PLCE1: variants seen among roughly 807,000 people sequenced by gnomAD.
The protein encoded by PLCE1 is 1-phosphatidylinositol 4,5-bisphosphate phosphodiesterase epsilon-1.
Under a neutral mutation model 242.8 loss-of-function variants are expected in PLCE1, and 119 were observed. The ratio of observed to expected loss-of-function variants is 0.49; its 90% CI spans 0.42 to 0.57. PLCE1 has a LOEUF of 0.57. PLCE1 is among the 20% of genes least tolerant of loss of function. PLCE1 has a pLI of 0.00. For missense variants in PLCE1, 2,441 were observed against 2,788.8 expected (o/e 0.88, Z 2.81); for synonymous variants, 945 against 1,017.4 (o/e 0.93, Z 1.35).
intron 3 of PLCE1, among the ~76,000 whole-genome samples, chr10:94,132,949 C>CAAAAAAA (rs33967020): frequency 1.1e-5 from 1 of 88,846 alleles, no homozygotes; most frequent in East Asian, 3.2e-4. Flanking sequence ...GACTCCATCT[C>CAAAAAAA]AAAAAAAAAA....
At chr10:94,007,148 G>A (rs1418235356) in intron 1 of PLCE1, among the ~76,000 whole-genome samples, 1 of 152,072 alleles carries the variant, frequency 6.6e-6, no homozygotes, top group African/African-American at 2.4e-5. Flanking sequence ...GAGGAAGTTA[G>A]GCAGAAGAGC....
At chr10:94,235,557 A>T (rs10882411) in intron 6 of PLCE1, among the ~76,000 whole-genome samples, 42,528 of 152,106 alleles carry the variant, frequency 0.28, 6,250 homozygotes, top group East Asian at 0.56. Flanking sequence ...ATAGAATAGC[A>T]TACTTTACTC....
intron 1 of PLCE1, among the ~76,000 whole-genome samples, chr10:94,002,003 T>C (rs757808053): frequency 1.3e-5 from 2 of 152,206 alleles, no homozygotes; most frequent in Non-Finnish European, 2.9e-5. Context: ...CCTAATTTGC[T>C]TCTAACTCGG....
intron 4 of PLCE1, among the ~76,000 whole-genome samples, chr10:94,196,353 C>G (rs570822110): frequency 3.3e-4 from 50 of 152,324 alleles, no homozygotes; most frequent in African/African-American, 1.2e-3. Flanking sequence ...GATTTCTTGT[C>G]TGATCCACCC....
In PLCE1 at chr10:94,179,936, C is replaced by CA. The variant is rs5787102; in HGVS notation, c.1809+8454dup. 6.6e-3 allele frequency among the ~76,000 whole-genome samples: 747 copies of CA among 113,392 alleles called. 3 individuals carry two copies. Among genetic ancestry groups the CA allele is most frequent in the Non-Finnish European group, 7.9e-3 (400 of 50,492 alleles). 74.4% of individuals were successfully genotyped at this position (113,392 alleles called of 152,430 possible). On this transcript the variant is annotated intron_variant, in intron 4 of 32. Coordinates refer to ENST00000371380, the MANE Select transcript of PLCE1 (RefSeq NM_016341.4). Reference sequence around the variant, plus strand: ...ACAGTAGTGGTTTGATGTTAGTTCCCAAAAAAAAAAAAAACCACTAACATA... The same window carrying CA: ...ACAGTAGTGGTTTGATGTTAGTTCCCAAAAAAAAAAAAAAACCACTAACATA...
chr10:94,055,462 C>T (rs1214017890), intron 2 of PLCE1, among the ~76,000 whole-genome samples: 1 of 151,944 alleles, frequency 6.6e-6, no homozygotes, highest in East Asian at 1.9e-4. Flanking sequence ...ATTACAGGCA[C>T]CCACTATCAC....
At chr10:94,035,330 C>G (rs916792658) in intron 2 of PLCE1, among the ~76,000 whole-genome samples, 12 of 152,122 alleles carry the variant, frequency 7.9e-5, no homozygotes. Flanking sequence ...TATGCCTATA[C>G]CCTCCTCCAG....
At chr10:94,132,059 A>C (rs2046613907) in intron 2 of PLCE1, 115 bp from the exon 3 acceptor site, 1 of 938,028 alleles carries the variant, frequency 1.1e-6, no homozygotes, top group East Asian at 2.6e-5. Flanking sequence ...GAGTGTTTGC[A>C]CTTGGAGCAT....
chr10:94,101,696 A>G (rs1396178004), intron 2 of PLCE1, among the ~76,000 whole-genome samples: 2 of 152,174 alleles, frequency 1.3e-5, no homozygotes, highest in Non-Finnish European at 2.9e-5. Flanking sequence ...AGCAGGAGTG[A>G]GTCAGAGAGC....
chr10:94,027,347 A>C (rs1237143493), intron 1 of PLCE1, among the ~76,000 whole-genome samples: 2 of 152,200 alleles, frequency 1.3e-5, no homozygotes, highest in African/African-American at 4.8e-5. Flanking sequence ...TTGTGTACTC[A>C]ACAAATATTT....
intron 27 of PLCE1, among the ~76,000 whole-genome samples, chr10:94,309,532 C>A (rs1223301574): frequency 6.6e-6 from 1 of 152,036 alleles, no homozygotes; most frequent in Non-Finnish European, 1.5e-5. Flanking sequence ...CACTATATTG[C>A]CCAGGTTGGT....
intron 2 of PLCE1, among the ~76,000 whole-genome samples, chr10:94,038,268 C>G (rs1262678848): frequency 6.6e-6 from 1 of 152,062 alleles, no homozygotes; most frequent in South Asian, 2.1e-4. Flanking sequence ...GAGGTGCACC[C>G]ACTGACCCCC....
At chr10:94,026,439 A>G (rs1287909747) in intron 1 of PLCE1, among the ~76,000 whole-genome samples, 2 of 152,090 alleles carry the variant, frequency 1.3e-5, no homozygotes, top group Non-Finnish European at 2.9e-5. Flanking sequence ...TGTTCACACT[A>G]AGAAAAGAAG....
chr10:94,287,373 A>G (rs1417456963), intron 22 of PLCE1: 1 of 147,810 alleles, frequency 6.8e-6, no homozygotes, highest in Non-Finnish European at 1.5e-5. Flanking sequence ...TAAACTGTTC[A>G]TTTTGCTATG....
At chr10:94,226,879 A>T (rs7098833) in intron 4 of PLCE1, among the ~76,000 whole-genome samples, 2 of 131,708 alleles carry the variant, frequency 1.5e-5, no homozygotes, top group Non-Finnish European at 3.1e-5. Context: ...TTGCTCTGTC[A>T]CCCAGGCTGC....
At chr10:94,248,429 C>T (rs1405957374) in intron 8 of PLCE1, among the ~76,000 whole-genome samples, 4 of 152,006 alleles carry the variant, frequency 2.6e-5, no homozygotes, top group South Asian at 2.1e-4. Flanking sequence ...GGCAAAATCC[C>T]GCCTCTACTA....
intron 3 of PLCE1, among the ~76,000 whole-genome samples, chr10:94,158,943 G>A (rs1005172951): frequency 2.2e-5 from 3 of 133,484 alleles, no homozygotes; most frequent in African/African-American, 8.2e-5. Flanking sequence ...CTCAACCTCC[G>A]CCTCCTGGGT....
chr10:94,071,495 G>GTTTTTTTTTTTTTTTTTTGTTTTTTT (rs2044354302), intron 2 of PLCE1, among the ~76,000 whole-genome samples: 1 of 83,316 alleles, frequency 1.2e-5, no homozygotes, highest in African/African-American at 5.4e-5. Flanking sequence ...TTTGGTTTTC[G>GTTTTTTTTTTTTTTTTTTGTTTTTTT]TTTTTTTTTT....
chr10:94,067,151 G>C lies in PLCE1; in HGVS notation c.1206+34899G>C, dbSNP rs139590390. Among the ~76,000 whole-genome samples, 703 of 152,228 alleles carry C rather than the reference G, an allele frequency of 4.6e-3. 6 individuals carry two copies. Among genetic ancestry groups the C allele is most frequent in the African/African-American group, 0.015 (635 of 41,544 alleles). On this transcript the variant is annotated intron_variant, in intron 2 of 32. Transcript: ENST00000371380. Reference sequence around the variant, plus strand: ...TCTAGGACCAGACCCTGTTACCTCAGATATTCTCTCCTTCTTCTTGATCTC... The same window carrying C: ...TCTAGGACCAGACCCTGTTACCTCACATATTCTCTCCTTCTTCTTGATCTC...
Sources: allele counts gnomAD v4.1 joint callset (sites outside exome capture counted in the v4.1 genomes callset), GRCh38; gene constraint gnomAD v4.1.1; transcripts MANE v1.5; gene names NCBI Gene and HGNC (gene_info 2026-07-23, HGNC 2026-07-21).